Variants in SZRD1 observed in about 807,000 individuals in gnomAD.
SZRD1 encodes SUZ RNA binding domain containing 1.
SZRD1 carries 7 observed loss-of-function variants against 17.6 expected under a neutral mutation model. That is an observed-to-expected ratio of 0.40 (90% CI 0.23 to 0.75). The LOEUF is 0.75. SZRD1 is among the 30% of genes least tolerant of loss of function. The probability of loss-of-function intolerance (pLI) is 0.38; values close to 1 mark genes in which losing one functional copy is unlikely to be tolerated. For synonymous variants in SZRD1, 77 were observed against 77.9 expected (o/e 0.99, Z 0.06); for missense variants, 178 against 201.8 (o/e 0.88, Z 0.71).
chr1:16,392,594 T>TG (rs1258427256), intron 2 of SZRD1, among the ~76,000 whole-genome samples: 3 of 152,210 alleles, frequency 2.0e-5, no homozygotes, highest in African/African-American at 7.2e-5. Context: ...CAGGGAGCCC[T>TG]GGCAAGGGAG....
intron 1 of SZRD1, among the ~76,000 whole-genome samples, chr1:16,375,589 A>G (rs2082988245): frequency 6.6e-6 from 1 of 152,176 alleles, no homozygotes; most frequent in Non-Finnish European, 1.5e-5. Flanking sequence ...TTAGGATTAC[A>G]GGCGTGAGCC....
At chr1:16,390,469 G>A (rs2085204035) in intron 1 of SZRD1, 1 of 152,190 alleles carries the variant, frequency 6.6e-6, no homozygotes, top group Non-Finnish European at 1.5e-5. Flanking sequence ...AAATGGTGGT[G>A]TTGTTTTAAT....
At chr1:16,382,181 A>C (rs2083115331) in intron 1 of SZRD1, among the ~76,000 whole-genome samples, 1 of 150,930 alleles carries the variant, frequency 6.6e-6, no homozygotes, top group South Asian at 2.1e-4. Flanking sequence ...AGGGGCTAGC[A>C]TGGGTGGGTT....
chr1:16,369,207 G>A (rs2082870644), intron 1 of SZRD1: 2 of 491,242 alleles, frequency 4.1e-6, no homozygotes. Flanking sequence ...ATAATTTGTA[G>A]CTATCTTTGC....
chr1:16,387,479 T>G, intron 1 of SZRD1: 1 of 454,268 alleles, frequency 2.2e-6, no homozygotes, highest in Non-Finnish European at 4.4e-6. Context: ...ATAAAAATAC[T>G]GATTTGGTTT....
intron 1 of SZRD1, among the ~76,000 whole-genome samples, chr1:16,374,309 T>C (rs1306689571): frequency 1.3e-5 from 2 of 152,212 alleles, no homozygotes; most frequent in East Asian, 1.9e-4. Flanking sequence ...TTGGGCAGTT[T>C]AGGCATGATT....
At chr1:16,383,782 G>T (rs1329972080) in intron 1 of SZRD1, among the ~76,000 whole-genome samples, 5 of 151,744 alleles carry the variant, frequency 3.3e-5, no homozygotes, top group Admixed American at 3.3e-4. Flanking sequence ...ACCACGCCTG[G>T]CTAATTTTTG....
At chr1:16,380,870 G>A (rs1286894431) in intron 1 of SZRD1, among the ~76,000 whole-genome samples, 1 of 151,722 alleles carries the variant, frequency 6.6e-6, no homozygotes, top group Non-Finnish European at 1.5e-5. Flanking sequence ...GCCTTCCAAA[G>A]TGCTGAGATT....
chr1:16,369,269 T>C, intron 1 of SZRD1: 1 of 642,980 alleles, frequency 1.6e-6, no homozygotes, highest in Non-Finnish European at 2.8e-6. Context: ...ATATATGTTT[T>C]GGTGAGATAT....
At chr1:16,376,008 C>T (rs557524393) in intron 1 of SZRD1, among the ~76,000 whole-genome samples, 7 of 152,330 alleles carry the variant, frequency 4.6e-5, no homozygotes, top group Non-Finnish European at 1.0e-4. Flanking sequence ...TCCCAAGTTC[C>T]TCGGGCCCTT....
intron 2 of SZRD1, among the ~76,000 whole-genome samples, chr1:16,392,900 T>G (rs1039036071): frequency 6.6e-6 from 1 of 152,168 alleles, no homozygotes; most frequent in African/African-American, 2.4e-5. Flanking sequence ...GGACATAAAC[T>G]GTTTTGCTGC....
At chr1:16,383,583 ATT>A (rs1250082022) in intron 1 of SZRD1, among the ~76,000 whole-genome samples, 1 of 135,228 alleles carries the variant, frequency 7.4e-6, no homozygotes, top group East Asian at 2.2e-4. Context: ...ATTAATTTTA[ATT>A]TTTTTCTTTT....
intron 1 of SZRD1, among the ~76,000 whole-genome samples, chr1:16,376,501 A>T (rs1303024577): frequency 6.6e-6 from 1 of 152,158 alleles, no homozygotes; most frequent in Non-Finnish European, 1.5e-5. Context: ...CCAAGTGGAA[A>T]AAGATAACAT....
At chr1:16,368,953 CT>C in intron 1 of SZRD1, among the ~76,000 whole-genome samples, 1 of 152,250 alleles carries the variant, frequency 6.6e-6, no homozygotes, top group South Asian at 2.1e-4. Flanking sequence ...GAAATTGGGG[CT>C]TACTTTAGTT....
chr1:16,368,085 AG>A (rs1216574822), intron 1 of SZRD1: 1 of 151,958 alleles, frequency 6.6e-6, no homozygotes, highest in Admixed American at 6.6e-5. Context: ...TTGTTTTTGG[AG>A]TTTTTGTTTG....
chr1:16,385,093 G>T (rs1158411614), intron 1 of SZRD1, among the ~76,000 whole-genome samples: 2 of 152,196 alleles, frequency 1.3e-5, no homozygotes, highest in Non-Finnish European at 2.9e-5. Context: ...AAAGTCCAAA[G>T]CAAGGGTCCC....
At chr1:16,385,210 A>C (rs972351458) in intron 1 of SZRD1, among the ~76,000 whole-genome samples, 4 of 152,162 alleles carry the variant, frequency 2.6e-5, no homozygotes, top group African/African-American at 9.7e-5. Context: ...GCTGTGATGG[A>C]GTAGGACAGT....
chr1:16,368,311 G>C (rs74055531), intron 1 of SZRD1, among the ~76,000 whole-genome samples: 3,047 of 152,228 alleles, frequency 0.02, 103 homozygotes, highest in African/African-American at 0.068. Context: ...GAGCGTACCA[G>C]GGTAGAGTAG....
chr1:16,386,110 A>G (rs572183408), intron 1 of SZRD1, among the ~76,000 whole-genome samples: 14 of 152,318 alleles, frequency 9.2e-5, no homozygotes, highest in African/African-American at 3.1e-4. Context: ...ACAGAATGTC[A>G]CCTTCTGTGG....
Sources: gnomAD v4.1 joint callset for allele counts (sites outside exome capture counted in the v4.1 genomes callset) on GRCh38, gnomAD v4.1.1 for gene constraint, MANE v1.5 for transcripts, NCBI Gene and HGNC (gene_info 2026-07-23, HGNC 2026-07-21) for gene names.